ANKRD30A: variants seen among roughly 807,000 people sequenced by gnomAD.
ANKRD30A encodes ankyrin repeat domain-containing protein 30A.
ANKRD30A carries 170 observed loss-of-function variants against 166.3 expected under a neutral mutation model. The observed-to-expected ratio is 1.02, with a 90% confidence interval of 0.90 to 1.16. The LOEUF is 1.16. Ranked by LOEUF, ANKRD30A falls within the 50% of genes most tolerant of loss-of-function variation. ANKRD30A has a pLI of 0.00. For missense variants in ANKRD30A, 1,630 were observed against 1,518.0 expected, an observed-to-expected ratio of 1.07 and a Z score of -1.23; for synonymous variants, 564 against 508.9, an observed-to-expected ratio of 1.11 and a Z score of -1.46.
At chr10:37,232,697 T>TATAGAGAGAG (rs1273812991), downstream of ANKRD30A, 1 of 78,400 alleles carries the variant, frequency 1.3e-5, no homozygotes, top group Non-Finnish European at 2.4e-5. Context: ...TATATATAAA[T>TATAGAGAGAG]AGAGAGAGAG....
intron 1 of ANKRD30A, 49 bp downstream of exon 1, chr10:37,126,057 G>A (rs1218425168): frequency 6.4e-7 from 1 of 1,572,902 alleles, no homozygotes; most frequent in Non-Finnish European, 8.7e-7. Context: ...TGGGGGCGGT[G>A]GGAGGATCGC....
intron 31 of ANKRD30A, among the ~76,000 whole-genome samples, chr10:37,202,635 A>G (rs975616379): frequency 4.6e-5 from 7 of 152,204 alleles, no homozygotes; most frequent in African/African-American, 7.2e-5. Context: ...AATAACTAAA[A>G]TCAGAGCAGA....
chr10:37,219,933 C>A (rs1842807721), intron 34 of ANKRD30A, 36 bp downstream of exon 34: 1 of 1,371,932 alleles, frequency 7.3e-7, no homozygotes, highest in Non-Finnish European at 9.5e-7. Flanking sequence ...TGTCAAACTT[C>A]CTGAAAGAAA....
chr10:37,151,421 G>C (rs1837926160), intron 11 of ANKRD30A, among the ~76,000 whole-genome samples: 1 of 152,026 alleles, frequency 6.6e-6, no homozygotes, highest in African/African-American at 2.4e-5. Flanking sequence ...TGAAGATATT[G>C]TTGCATTAGG....
chr10:37,259,152 G>C, the ANKRD30A span, among the ~76,000 whole-genome samples: 114,643 of 151,838 alleles, frequency 0.76, 43,628 homozygotes, highest in South Asian at 0.88. Flanking sequence ...AAAGAAAAGG[G>C]AAGTTAAAGT....
chr10:37,159,149 T>A (rs1020540254), intron 15 of ANKRD30A, among the ~76,000 whole-genome samples: 9 of 152,200 alleles, frequency 5.9e-5, no homozygotes, highest in Non-Finnish European at 4.4e-5. Flanking sequence ...CTTTTAATGC[T>A]ACTGTAATGA....
chr10:37,125,992 C>A lies in ANKRD30A; in HGVS notation c.205C>A (p.Gln69Lys), dbSNP rs376849793. Residue 69 changes from glutamine (Q) to lysine (K), a missense_variant, in exon 1 of 36, where the codon CAA becomes AAA. Gln to Lys is a moderately conservative substitution (Grantham distance 53, BLOSUM62 1). Around this residue, in one of 4 missense-constraint regions of ANKRD30A, gnomAD observed 904 missense variants for 818.5 expected, o/e 1.10. Transcript: ENST00000361713. The stretch of plus-strand genomic sequence containing the variant: ...GAAGAAGACCATCAACCTTAATATA[C>A]AAGACGCCCAGAAGAGGTACCAGGC... ...KRKKTINLNI[Q>K]DAQKRTALHW... 91 of 1,611,810 alleles carry A rather than the reference C, an allele frequency of 5.6e-5. No individual in the cohort carries two copies. The highest frequency in any genetic ancestry group is 7.3e-5 in the Non-Finnish European group (86 of 1,179,890).
chr10:37,260,661 T>C, the ANKRD30A span, among the ~76,000 whole-genome samples: 1 of 152,308 alleles, frequency 6.6e-6, no homozygotes, highest in South Asian at 2.1e-4. Flanking sequence ...TTCATAAAAG[T>C]CGATTCTTCA....
intron 1 of ANKRD30A, among the ~76,000 whole-genome samples, chr10:37,129,682 G>A (rs1836259128): frequency 6.6e-6 from 1 of 152,150 alleles, no homozygotes; most frequent in African/African-American, 2.4e-5. Context: ...GAATCCAAAG[G>A]CCAAGCTCTT....
At chr10:37,148,709 T>C (rs1391770492) in intron 9 of ANKRD30A, among the ~76,000 whole-genome samples, 2 of 152,040 alleles carry the variant, frequency 1.3e-5, no homozygotes, top group Non-Finnish European at 2.9e-5. Flanking sequence ...TATGTTACAA[T>C]CAGGCATGAC....
At chr10:37,132,896 G>C (rs1278853150) in intron 4 of ANKRD30A, among the ~76,000 whole-genome samples, 1 of 152,134 alleles carries the variant, frequency 6.6e-6, no homozygotes, top group African/African-American at 2.4e-5. Flanking sequence ...TACTCTGTGG[G>C]GGGCTGAGGC....
chr10:37,154,507 G>T (rs1051325593), intron 13 of ANKRD30A, among the ~76,000 whole-genome samples: 2 of 152,112 alleles, frequency 1.3e-5, no homozygotes, highest in African/African-American at 4.8e-5. Context: ...GCAGTATGGT[G>T]TTCTCAATTT....
intron 3 of ANKRD30A, among the ~76,000 whole-genome samples, chr10:37,131,527 C>T (rs1836380156): frequency 6.6e-6 from 1 of 152,138 alleles, no homozygotes; most frequent in Non-Finnish European, 1.5e-5. Context: ...TTTGGAGTTG[C>T]TTCCTTAGTG....
chr10:37,211,611 T>A (rs1842323008), intron 31 of ANKRD30A, among the ~76,000 whole-genome samples: 2 of 152,166 alleles, frequency 1.3e-5, no homozygotes, highest in African/African-American at 4.8e-5. Flanking sequence ...CATGTGTCTT[T>A]ATAGCAGCAT....
the ANKRD30A span, among the ~76,000 whole-genome samples, chr10:37,255,175 A>G: frequency 6.6e-6 from 1 of 152,238 alleles, no homozygotes; most frequent in African/African-American, 2.4e-5. Flanking sequence ...GAAATATAAA[A>G]TCAAATACTG....
the ANKRD30A span, chr10:37,248,372 C>T: frequency 2.8e-4 from 90 of 325,570 alleles, no homozygotes; most frequent in South Asian, 2.3e-3. Context: ...CCGTGACTCC[C>T]ATCCCAGCAC....
chr10:37,165,008 G>T (rs149423241), intron 17 of ANKRD30A, 86 bp from the exon 18 acceptor site: 1 of 1,368,964 alleles, frequency 7.3e-7, no homozygotes. Context: ...CCACAGATTC[G>T]TGAATGAAAG....
chr10:37,195,090 T>A (rs1013363298), intron 27 of ANKRD30A, among the ~76,000 whole-genome samples: 3 of 152,100 alleles, frequency 2.0e-5, no homozygotes, highest in African/African-American at 7.2e-5. Flanking sequence ...TTATGTGAAC[T>A]ATTAGGCCCC....
chr10:37,242,130 T>C, the ANKRD30A span: 1 of 152,226 alleles, frequency 6.6e-6, no homozygotes, highest in African/African-American at 2.4e-5. Context: ...TCTGTATCTC[T>C]TAGACTTTCA....
Sources: allele counts gnomAD v4.1 joint callset (sites outside exome capture counted in the v4.1 genomes callset), GRCh38; gene constraint gnomAD v4.1.1; regional missense constraint gnomAD v4.1.1; transcripts MANE v1.5; gene names NCBI Gene and HGNC (gene_info 2026-07-23, HGNC 2026-07-21).